The following COL16A1 variants were observed in gnomAD, a reference collection of about 807,000 sequenced individuals.
COL16A1 encodes the protein collagen type XVI alpha 1 chain.
COL16A1 carries 189 observed loss-of-function variants against 266.3 expected under a neutral mutation model. That is an observed-to-expected ratio of 0.71 (90% CI 0.63 to 0.80). The LOEUF is 0.80. Among genes scored for constraint, COL16A1 ranks in the 30% least tolerant of loss-of-function variants. The pLI, the probability that COL16A1 is intolerant of heterozygous loss-of-function variation, is 0.00. For missense variants in COL16A1, 1,928 were observed against 2,122.4 expected (o/e 0.91, Z 1.80); for synonymous variants, 740 against 782.3 (o/e 0.95, Z 0.90).
At position 31,702,168 on chromosome 1, in the gene COL16A1, AGGCCAG is replaced by A. The variant is rs1157078844; in HGVS notation, c.20_25del (p.Pro7_Gly8del). 1.9e-6 allele frequency: 3 copies of A among 1,614,050 alleles called. No individual in the cohort carries two copies. The highest frequency in any genetic ancestry group is 1.3e-5 in the African/African-American group (1 of 74,922). On this transcript the variant is annotated inframe_deletion, in exon 2 of 71. Transcript: ENST00000373672. ...GGTAGCCCAAAGACCGAGCAGCCACAGGCCAGGAGCCCAGGATACCCACATCCCGGT... is the reference window on the plus strand; with the variant it reads ...GGTAGCCCAAAGACCGAGCAGCCACAGAGCCCAGGATACCCACATCCCGGT...
At position 31,685,826 on chromosome 1, in the gene COL16A1, G is replaced by A. The variant is rs1384167655; in HGVS notation, c.1885-56C>T. The stretch of plus-strand genomic sequence containing the variant: ...CCCCCAGGCCCTAGTGCACTTGAGC[G>A]AGGTTTGGAATCTAGGGCTGGGGAA... On this transcript the variant is annotated intron_variant, in intron 28 of 70. Transcript: ENST00000373672. The surrounding 1 kb of genome is among the most constrained non-coding windows in gnomAD (Gnocchi z 4.0). The A allele has an allele frequency of 8.7e-6, 14 of 1,600,692 alleles. No homozygotes were observed. The highest frequency in any genetic ancestry group is 3.3e-5 in the South Asian group (3 of 90,426).
Position 31,689,782 on chromosome 1 carries a change from G to A in COL16A1, c.1579C>T (p.Pro527Ser). Residue 527 changes from proline to serine, a missense_variant, in exon 23 of 71, where the codon CCA becomes TCA. This residue lies in a region of COL16A1 where 1,552 missense variants were observed against 1,637.2 expected (regional missense o/e 0.95). Transcript: ENST00000373672. ...FQNFVGLPGK[P>S]GPKGEPGDPV... ...TCACCAGGCTCCCCTTTGGGCCCTG[G>A]CTTTCCAGGAAGTCCAACAAAGTTC... is the stretch of plus-strand genomic sequence containing the variant. The A allele has an allele frequency of 1.2e-6, 2 of 1,614,146 alleles. No homozygotes were observed. The highest frequency in any genetic ancestry group is 2.7e-5 in the African/African-American group (2 of 75,036).
chr1:31,687,383 A>G (rs1358668368), intron 26 of COL16A1, among the ~76,000 whole-genome samples: 1 of 125,650 alleles, frequency 8.0e-6, no homozygotes, highest in Non-Finnish European at 1.6e-5. Context: ...CTCAGTCTCA[A>G]AAAAAAAAAA....
At chr1:31,653,397 C>T (rs891153280) in intron 70 of COL16A1, 1 of 588,332 alleles carries the variant, frequency 1.7e-6, no homozygotes, top group Non-Finnish European at 2.9e-6. Flanking sequence ...CAGTTTAGGA[C>T]TTAAGGACAG....
intron 58 of COL16A1, 96 bp downstream of exon 58, chr1:31,662,238 G>A: frequency 6.4e-7 from 1 of 1,552,350 alleles, no homozygotes; most frequent in South Asian, 1.2e-5. Context: ...CAAAGACGGG[G>A]ATACTTCGGT....
intron 28 of COL16A1, 88 bp downstream of exon 28, chr1:31,686,003 A>T: frequency 6.4e-7 from 1 of 1,565,932 alleles, no homozygotes; most frequent in South Asian, 1.2e-5. Context: ...GACAGCAAGG[A>T]GCCCCAGAGG....
intron 66 of COL16A1, chr1:31,655,918 C>G: frequency 3.4e-6 from 1 of 292,524 alleles, no homozygotes; most frequent in Non-Finnish European, 6.5e-6. Flanking sequence ...CAGTGCACCC[C>G]TCCTGAGCTG....
intron 47 of COL16A1, 41 bp downstream of exon 47, chr1:31,672,375 C>G (rs755788094): frequency 2.5e-5 from 41 of 1,610,604 alleles, no homozygotes; most frequent in Non-Finnish European, 1.7e-6. Context: ...GCAGACAGGG[C>G]CCCAGCTCCC....
rs1644108273 is a variant in COL16A1, at chr1:31,688,682, C to A, written c.1767+179G>T. The A allele has an allele frequency of 1.8e-6, 2 of 1,105,558 alleles. No individual in the cohort carries two copies. Among genetic ancestry groups the A allele is most frequent in the East Asian group, 2.4e-5 (1 of 41,404 alleles). 68.5% of individuals were successfully genotyped at this position (1,105,558 alleles called of 1,614,324 possible). A position where few individuals can be genotyped will look rare whatever the true frequency, so the allele number is the denominator to read the frequency against. ...GAGGTGCTAAGAGGAAGTTCCAGGG[C>A]AAGGAGCCTGGGGCAGCACAGGGAC... is the stretch of plus-strand genomic sequence containing the variant. On this transcript the variant is annotated intron_variant, in intron 25 of 70. Transcript: ENST00000373672. The surrounding 1 kb of genome is among the most constrained non-coding windows in gnomAD (Gnocchi z 4.9).
At chr1:31,684,905 A>G in intron 29 of COL16A1, 49 bp from the exon 30 acceptor site, 2 of 1,611,390 alleles carry the variant, frequency 1.2e-6, no homozygotes, top group African/African-American at 1.3e-5. Context: ...CAGCCACCCC[A>G]AAGTGCCCGG....
chr1:31,691,143 C>A (rs748533570), intron 20 of COL16A1, 45 bp downstream of exon 20: 1 of 1,600,392 alleles, frequency 6.2e-7, no homozygotes, highest in Admixed American at 1.7e-5. Flanking sequence ...CTCCTCCTGT[C>A]AAGCATGGAG....
chr1:31,679,972 C>A, intron 40 of COL16A1, 70 bp downstream of exon 40: 1 of 1,596,498 alleles, frequency 6.3e-7, no homozygotes, highest in South Asian at 1.1e-5. Flanking sequence ...CCTTTGCACA[C>A]TGGGCACCAG....
At chr1:31,669,894 G>A (rs7537646) in intron 49 of COL16A1, 67,549 of 152,216 alleles carry the variant, frequency 0.44, 17,479 homozygotes, top group South Asian at 0.6. Context: ...GGGCAGGGCC[G>A]CACGACACCC....
intron 39 of COL16A1, 85 bp from the exon 40 acceptor site, chr1:31,680,186 G>A (rs1041073422): frequency 2.3e-5 from 36 of 1,535,524 alleles, no homozygotes; most frequent in Non-Finnish European, 1.1e-5. Flanking sequence ...GTGGGCTCTA[G>A]AGATGGAGAG....
rs528191025 is a variant in COL16A1 at position 31,692,205 on chromosome 1, C to T, written c.1195-138G>A. On this transcript the variant is annotated intron_variant, in intron 16 of 70. Transcript: ENST00000373672. ...TGAGGGTGAATGGCTTCAATCACCA[C>T]GGGAGGGTAGACAACAGACCAGACA... is the stretch of plus-strand genomic sequence containing the variant. The T allele has an allele frequency of 1.0e-5, 14 of 1,356,390 alleles. No individual in the cohort carries two copies. The East Asian group carries it at 2.4e-4, about 23-fold the overall frequency. 84.0% of individuals were successfully genotyped at this position (1,356,390 alleles called of 1,614,324 possible).
chr1:31,671,201 C>T (rs1365385483), intron 48 of COL16A1, among the ~76,000 whole-genome samples: 1 of 152,236 alleles, frequency 6.6e-6, no homozygotes, highest in African/African-American at 2.4e-5. Context: ...TCCATCTTAG[C>T]CCCGAGCCCT....
In COL16A1 at chr1:31,666,038, G is replaced by C; in HGVS notation, c.3401C>G (p.Ala1134Gly). The C allele has an allele frequency of 6.2e-7, 1 of 1,613,938 alleles. No individual in the cohort carries two copies. Among genetic ancestry groups the C allele is most frequent in the Non-Finnish European group, 8.5e-7 (1 of 1,179,928 alleles). Reference protein sequence around the residue: ...SEGLPGPPGPAGPRGERGPQG... With the variant: ...SEGLPGPPGPGGPRGERGPQG... The stretch of plus-strand genomic sequence containing the variant: ...CTCCCCATGCCCTCCTTCACTCACC[G>C]CTGGGCCTGGGGGGCCTGGGAGGCC... Residue 1134 changes from alanine to glycine, a missense_variant and splice_region_variant, in exon 53 of 71, where the codon GCG (alanine) becomes GGG (glycine). By Grantham distance (60) the Ala-to-Gly change is moderately conservative. Coordinates refer to ENST00000373672, the MANE Select transcript of COL16A1 (RefSeq NM_001856.4).
At position 31,690,465 on chromosome 1, in the gene COL16A1, C is replaced by G. The variant is rs996260779; in HGVS notation, c.1482+64G>C. On this transcript the variant is annotated intron_variant, in intron 21 of 70. Transcript: ENST00000373672. Reference sequence around the variant, plus strand: ...GTGTGCCAACTGAGGGCCGGAGGACCTAGCCCCTCCCTCCAGAGGCCTTGG... The same window carrying G: ...GTGTGCCAACTGAGGGCCGGAGGACGTAGCCCCTCCCTCCAGAGGCCTTGG... The G allele has an allele frequency of 9.9e-6, 16 of 1,614,106 alleles. No individual in the cohort carries two copies. The African/African-American group carries it at 2.0e-4, about 20-fold the overall frequency.
intron 62 of COL16A1, chr1:31,659,549 A>G (rs1286763717): frequency 6.4e-6 from 1 of 157,030 alleles, no homozygotes; most frequent in Non-Finnish European, 1.4e-5. Context: ...GCCTACATCC[A>G]TGCCTCTGTG....
Sources: allele counts gnomAD v4.1 joint callset (sites outside exome capture counted in the v4.1 genomes callset), GRCh38; gene constraint gnomAD v4.1.1; regional missense constraint gnomAD v4.1.1; non-coding constraint Gnocchi (gnomAD v3.1); transcripts MANE v1.5; gene names NCBI Gene and HGNC (gene_info 2026-07-23, HGNC 2026-07-21).